PPP2R2B: variants seen among roughly 807,000 people sequenced by gnomAD.
The protein encoded by PPP2R2B is protein phosphatase 2 regulatory subunit Bbeta, also known as serine/threonine-protein phosphatase 2A 55 kDa regulatory subunit B beta isoform.
Under a neutral mutation model 46.0 loss-of-function variants are expected in PPP2R2B, and 5 were observed. That is an observed-to-expected ratio of 0.11 (90% confidence interval 0.06 to 0.23). The LOEUF (loss-of-function observed/expected upper bound fraction) is 0.23, where lower values mean the gene tolerates loss of function less well. Among genes scored for constraint, PPP2R2B ranks in the 10% least tolerant of loss-of-function variants. The pLI, the probability that PPP2R2B is intolerant of heterozygous loss-of-function variation, is 1.00. For synonymous variants in PPP2R2B, 215 were observed against 206.7 expected, an observed-to-expected ratio of 1.04 and a Z score of -0.34; for missense variants, 367 against 575.0, an observed-to-expected ratio of 0.64 and a Z score of 3.70.
chr5:146,803,727 C>T (rs552728036), intron 2 of PPP2R2B, among the ~76,000 whole-genome samples: 1 of 152,254 alleles, frequency 6.6e-6, no homozygotes, highest in South Asian at 2.1e-4. Context: ...GTTAGGCATC[C>T]CTGGGTTAAA....
intron 1 of PPP2R2B, among the ~76,000 whole-genome samples, chr5:146,929,004 C>G (rs1466963171): frequency 6.6e-6 from 1 of 152,136 alleles, no homozygotes; most frequent in Non-Finnish European, 1.5e-5. Flanking sequence ...CTGAAATCCT[C>G]TTTCTTCAAA....
intron 1 of PPP2R2B, among the ~76,000 whole-genome samples, chr5:146,995,343 G>T (rs1217783597): frequency 6.6e-6 from 1 of 152,162 alleles, no homozygotes; most frequent in African/African-American, 2.4e-5. Flanking sequence ...GTGGAAAGAA[G>T]GAATAAATGA....
At chr5:146,964,898 T>A (rs903407271) in intron 1 of PPP2R2B, among the ~76,000 whole-genome samples, 1 of 152,136 alleles carries the variant, frequency 6.6e-6, no homozygotes. Flanking sequence ...CTGCCATCTA[T>A]TATTTGGGTG....
At chr5:146,685,766 A>C (rs1778457641) in intron 5 of PPP2R2B, among the ~76,000 whole-genome samples, 1 of 152,136 alleles carries the variant, frequency 6.6e-6, no homozygotes, top group African/African-American at 2.4e-5. Flanking sequence ...CTGTGCTGAC[A>C]GGAGGACAGA....
intron 2 of PPP2R2B, among the ~76,000 whole-genome samples, chr5:146,786,893 T>G (rs1755873160): frequency 6.6e-6 from 1 of 152,238 alleles, no homozygotes; most frequent in Non-Finnish European, 1.5e-5. Context: ...CTTTTCTTTA[T>G]AACGAAGCTA....
chr5:146,657,728 C>T (rs1398505778), intron 5 of PPP2R2B, among the ~76,000 whole-genome samples: 1 of 152,104 alleles, frequency 6.6e-6, no homozygotes, highest in African/African-American at 2.4e-5. Context: ...CATAGACGAC[C>T]CCATCCCCAG....
chr5:146,858,387 G>A (rs1008195740), intron 2 of PPP2R2B, among the ~76,000 whole-genome samples: 1 of 152,124 alleles, frequency 6.6e-6, no homozygotes, highest in Non-Finnish European at 1.5e-5. Context: ...CTGTGTCAGG[G>A]ACTGAACTAG....
intron 5 of PPP2R2B, among the ~76,000 whole-genome samples, chr5:146,687,300 A>G (rs1001349806): frequency 3.3e-5 from 5 of 152,164 alleles, no homozygotes; most frequent in Non-Finnish European, 2.9e-5. Context: ...CTGAGGCTGC[A>G]TCGGATCGAA....
intron 7 of PPP2R2B, among the ~76,000 whole-genome samples, chr5:146,626,980 A>AG (rs1774106330): frequency 6.6e-6 from 1 of 152,162 alleles, no homozygotes; most frequent in South Asian, 2.1e-4. Flanking sequence ...AGAAGGGGGA[A>AG]GGGATTCTAT....
intron 6 of PPP2R2B, among the ~76,000 whole-genome samples, chr5:146,639,665 T>C (rs322500): frequency 0.21 from 32,705 of 152,164 alleles, 5,206 homozygotes; most frequent in African/African-American, 0.45. Context: ...TAGATTTTCC[T>C]ACTCGTGAGC....
intron 1 of PPP2R2B, among the ~76,000 whole-genome samples, chr5:146,950,178 C>G (rs1561536682): frequency 6.6e-6 from 1 of 151,980 alleles, no homozygotes; most frequent in African/African-American, 2.4e-5. Flanking sequence ...CCCCATTTAT[C>G]CCGATGTGAT....
At chr5:146,601,335 A>G (rs1288728638) in intron 7 of PPP2R2B, among the ~76,000 whole-genome samples, 1 of 152,160 alleles carries the variant, frequency 6.6e-6, no homozygotes, top group East Asian at 1.9e-4. Context: ...GTGGTGGCTC[A>G]TGCCTGTATT....
chr5:146,970,288 G>C (rs1203171581), intron 1 of PPP2R2B, among the ~76,000 whole-genome samples: 1 of 152,150 alleles, frequency 6.6e-6, no homozygotes, highest in Non-Finnish European at 1.5e-5. Flanking sequence ...GTCTGCTTCT[G>C]TGTCAAAATA....
intron 7 of PPP2R2B, among the ~76,000 whole-genome samples, chr5:146,626,616 T>C (rs1270799637): frequency 6.6e-6 from 1 of 152,166 alleles, no homozygotes; most frequent in Non-Finnish European, 1.5e-5. Context: ...CCCCAGGTGC[T>C]TGTGGCTGCT....
intron 2 of PPP2R2B, among the ~76,000 whole-genome samples, chr5:146,818,678 G>A (rs942191793): frequency 2.0e-5 from 3 of 152,146 alleles, no homozygotes; most frequent in Non-Finnish European, 4.4e-5. Context: ...TTACAGATGA[G>A]AAATCTGAGA....
intron 5 of PPP2R2B, among the ~76,000 whole-genome samples, chr5:146,654,422 A>C (rs1188294939): frequency 6.6e-6 from 1 of 152,244 alleles, no homozygotes; most frequent in Non-Finnish European, 1.5e-5. Context: ...CCATGTTTGC[A>C]AGTCAAAAAT....
chr5:146,790,871 C>A lies in PPP2R2B; in HGVS notation c.70+87131G>T, dbSNP rs556005557. 1.8e-4 allele frequency among the ~76,000 whole-genome samples: 28 copies of A among 152,170 alleles called. 1 individual carries two copies. Among genetic ancestry groups the A allele is most frequent in the Non-Finnish European group, 3.5e-4 (24 of 68,034 alleles). Reference sequence around the variant, plus strand: ...TGTTTTGGGGACAGAATAAAATGAACTCTTGAGGAACAGTCAGACCTTCAC... The same window carrying A: ...TGTTTTGGGGACAGAATAAAATGAAATCTTGAGGAACAGTCAGACCTTCAC... On this transcript the variant is annotated intron_variant, in intron 2 of 9. Coordinates refer to ENST00000394411, the MANE Select transcript of PPP2R2B (RefSeq NM_181675.4).
At chr5:146,864,535 T>C (rs1761196296) in intron 2 of PPP2R2B, among the ~76,000 whole-genome samples, 1 of 152,156 alleles carries the variant, frequency 6.6e-6, no homozygotes, top group Non-Finnish European at 1.5e-5. Flanking sequence ...ACTCACCAGT[T>C]TGAAGAAAAT....
At chr5:146,593,125 ACCT>A (rs1770825547) in intron 8 of PPP2R2B, 63 bp from the exon 9 acceptor site, 2 of 1,305,906 alleles carry the variant, frequency 1.5e-6, no homozygotes, top group Non-Finnish European at 2.2e-6. Flanking sequence ...TTCTGCAAAC[ACCT>A]CCTCTTCTGA....
Sources: gnomAD v4.1 joint callset for allele counts (sites outside exome capture counted in the v4.1 genomes callset) on GRCh38, gnomAD v4.1.1 for gene constraint, MANE v1.5 for transcripts, NCBI Gene and HGNC (gene_info 2026-07-23, HGNC 2026-07-21) for gene names.